Variants in ADAM17 observed in about 807,000 individuals in gnomAD.
ADAM17 encodes the protein disintegrin and metalloproteinase domain-containing protein 17.
A neutral mutation model predicts 96.7 loss-of-function variants in ADAM17; 39 were observed. The ratio of observed to expected loss-of-function variants is 0.40; its 90% confidence interval spans 0.31 to 0.53. The LOEUF is 0.53. Among genes scored for constraint, ADAM17 ranks in the 20% least tolerant of loss-of-function variants. ADAM17 has a pLI of 0.44. For synonymous variants in ADAM17, 344 were observed against 359.2 expected, an observed-to-expected ratio of 0.96 and a Z score of 0.48; for missense variants, 777 against 1,013.2, an observed-to-expected ratio of 0.77 and a Z score of 3.17.
At chr2:9,554,180 C>G (rs148399784) in intron 1 of ADAM17, among the ~76,000 whole-genome samples, 1 of 152,120 alleles carries the variant, frequency 6.6e-6, no homozygotes, top group Non-Finnish European at 1.5e-5. Flanking sequence ...TTTTTACCTA[C>G]GAACAACAGA....
chr2:9,505,743 G>A (rs991143119), intron 11 of ADAM17: 1 of 223,350 alleles, frequency 4.5e-6, no homozygotes, highest in African/African-American at 2.2e-5. Flanking sequence ...TGCCACTCAT[G>A]CAGTGACAAG....
rs957286408 is a variant in ADAM17 at position 9,491,286 on chromosome 2, A to G, written c.2083-135T>C. The G allele has an allele frequency of 8.4e-6, 6 of 710,136 alleles. No homozygotes were observed. The Admixed American group carries it at 1.1e-4, about 13-fold the overall frequency. 44.0% of individuals were successfully genotyped at this position (710,136 alleles called of 1,614,324 possible). A position where few individuals can be genotyped will look rare whatever the true frequency, so the allele number is the denominator to read the frequency against. ...TGTAGAAAGTGATAGCAGGCTCAAC[A>G]GATGACAATCCATTTCTCACCCAAG... On this transcript the variant is annotated intron_variant, in intron 17 of 18. Coordinates refer to ENST00000310823, the MANE Select transcript of ADAM17 (RefSeq NM_003183.6).
intron 6 of ADAM17, among the ~76,000 whole-genome samples, chr2:9,524,345 C>T (rs962524460): frequency 3.3e-5 from 5 of 152,020 alleles, no homozygotes; most frequent in African/African-American, 7.2e-5. Flanking sequence ...AATCAAAAAA[C>T]TTAGCCAGGA....
chr2:9,538,640 T>C (rs998261672), intron 2 of ADAM17, among the ~76,000 whole-genome samples: 3 of 152,230 alleles, frequency 2.0e-5, no homozygotes, highest in African/African-American at 4.8e-5. Context: ...ATCAGTGGAA[T>C]TGCATTTTTC....
chr2:9,540,472 C>T (rs1290852567), intron 2 of ADAM17, among the ~76,000 whole-genome samples: 1 of 151,850 alleles, frequency 6.6e-6, no homozygotes, highest in East Asian at 1.9e-4. Context: ...AAATAAGTAC[C>T]TGATTAACTG....
At chr2:9,518,336 A>G in intron 8 of ADAM17, 89 bp from the exon 9 acceptor site, 1 of 1,361,882 alleles carries the variant, frequency 7.3e-7, no homozygotes, top group Non-Finnish European at 9.6e-7. Context: ...AAATCAACTA[A>G]ACATTCCAGA....
At chr2:9,549,271 T>A (rs1489784932) in intron 1 of ADAM17, among the ~76,000 whole-genome samples, 1 of 152,094 alleles carries the variant, frequency 6.6e-6, no homozygotes, top group Admixed American at 6.6e-5. Flanking sequence ...CTCAGAAGCC[T>A]GAGGCAGGAG....
Position 9,494,640 on chromosome 2 carries a change from C to G in ADAM17, c.1911G>C (p.Met637Ile). Residue 637 changes from methionine (M) to isoleucine (I), a missense_variant, in exon 15 of 19, where the codon ATG becomes ATC. By Grantham distance (10) the Met-to-Ile change is conservative. Around this residue, in one of 3 missense-constraint regions of ADAM17, gnomAD observed 446 missense variants for 664.7 expected, o/e 0.67. Coordinates refer to ENST00000310823, the MANE Select transcript of ADAM17 (RefSeq NM_003183.6). ...GKPCTVGFCD[M>I]NGKCEKRVQD... ...AAAGCTGTACATAAATACTCACATT[C>G]ATGTCACAAAATCCTACTGTACAGG... 6.2e-7 allele frequency: 1 copy of G among 1,613,924 alleles called. No individual in the cohort carries two copies. The highest frequency in any genetic ancestry group is 8.5e-7 in the Non-Finnish European group (1 of 1,179,866).
chr2:9,516,800 C>G (rs1443810677), intron 10 of ADAM17, among the ~76,000 whole-genome samples: 1 of 151,960 alleles, frequency 6.6e-6, no homozygotes, highest in Non-Finnish European at 1.5e-5. Context: ...ATATCAGATA[C>G]TAATATGTCC....
At chr2:9,535,809 A>T (rs1044095251) in intron 4 of ADAM17, 25 bp downstream of exon 4, 2 of 1,480,644 alleles carry the variant, frequency 1.4e-6, no homozygotes, top group Non-Finnish European at 1.9e-6. Flanking sequence ...TAAGCTACTG[A>T]AAAAAAATTC....
intron 1 of ADAM17, among the ~76,000 whole-genome samples, chr2:9,551,197 T>A (rs535091927): frequency 6.7e-6 from 1 of 150,072 alleles, no homozygotes; most frequent in South Asian, 2.1e-4. Flanking sequence ...AGCAGAACAC[T>A]GTCAAATGAA....
intron 12 of ADAM17, 95 bp from the exon 13 acceptor site, chr2:9,502,371 C>G: frequency 9.5e-7 from 1 of 1,049,364 alleles, no homozygotes; most frequent in Non-Finnish European, 1.4e-6. Context: ...CTGAAGATCA[C>G]CGGGGAAGAC....
intron 11 of ADAM17, among the ~76,000 whole-genome samples, chr2:9,506,431 A>G (rs1017314794): frequency 4.8e-5 from 7 of 144,910 alleles, no homozygotes; most frequent in Admixed American, 1.4e-4. Context: ...CAGAGGCACA[A>G]TCTTGGCTTA....
chr2:9,500,527 C>T (rs1199297120), intron 13 of ADAM17, among the ~76,000 whole-genome samples: 1 of 152,114 alleles, frequency 6.6e-6, no homozygotes, highest in African/African-American at 2.4e-5. Flanking sequence ...TTAAACTGTA[C>T]ACTTTAAATG....
intron 1 of ADAM17, among the ~76,000 whole-genome samples, chr2:9,550,088 C>G (rs541415214): frequency 6.6e-6 from 1 of 152,248 alleles, no homozygotes; most frequent in East Asian, 1.9e-4. Context: ...TCAGCACCCC[C>G]CAAAACACAC....
rs377165090 is a variant in ADAM17 at position 9,495,730 on chromosome 2, C to A, written c.1784-963G>T. On this transcript the variant is annotated intron_variant, in intron 14 of 18. Transcript: ENST00000310823. ...CCATCTCAAAAAAAAAAAAAGAAAA[C>A]CTTTTCATCATTCACTAATTTATAA... 4.0e-3 allele frequency among the ~76,000 whole-genome samples: 599 copies of A among 149,390 alleles called. 6 individuals are homozygous for A. The highest frequency in any genetic ancestry group is 5.0e-3 in the Non-Finnish European group (336 of 67,118).
intron 12 of ADAM17, among the ~76,000 whole-genome samples, chr2:9,503,137 CA>C (rs750548968): frequency 2.2e-3 from 166 of 74,184 alleles, no homozygotes; most frequent in Admixed American, 3.2e-3. Context: ...GAGACTCTCT[CA>C]AAAAAAAAAA....
At chr2:9,514,933 A>C (rs951704011) in intron 10 of ADAM17, among the ~76,000 whole-genome samples, 3 of 152,128 alleles carry the variant, frequency 2.0e-5, no homozygotes, top group Non-Finnish European at 4.4e-5. Context: ...GGGTATTCAC[A>C]GTTGCATTTA....
chr2:9,490,883 G>A (rs1217081262), intron 18 of ADAM17, among the ~76,000 whole-genome samples: 1 of 152,178 alleles, frequency 6.6e-6, no homozygotes, highest in Non-Finnish European at 1.5e-5. Flanking sequence ...TATGGCTTGG[G>A]AAGGGGACAG....
Sources: allele counts gnomAD v4.1 joint callset (sites outside exome capture counted in the v4.1 genomes callset), GRCh38; gene constraint gnomAD v4.1.1; regional missense constraint gnomAD v4.1.1; transcripts MANE v1.5; gene names NCBI Gene and HGNC (gene_info 2026-07-23, HGNC 2026-07-21).